Variants in TENM1 observed in about 807,000 individuals in gnomAD.
The protein encoded by TENM1 is teneurin transmembrane protein 1.
In TENM1, 35 loss-of-function variants were observed where a neutral mutation model predicts 174.8. The ratio of observed to expected loss-of-function variants is 0.20; its 90% CI spans 0.15 to 0.27. TENM1 has a LOEUF of 0.27. TENM1 is among the 10% of genes least tolerant of loss of function. The probability of loss-of-function intolerance (pLI) is 1.00; values close to 1 mark genes in which losing one functional copy is unlikely to be tolerated. For synonymous variants in TENM1, 781 were observed against 798.7 expected, an observed-to-expected ratio of 0.98 and a Z score of 0.37; for missense variants, 1,633 against 2,130.1, an observed-to-expected ratio of 0.77 and a Z score of 4.59.
At chrX:125,000,008 TGGATAC>T in the TENM1 span, among the ~76,000 whole-genome samples, 1 of 111,204 alleles carries the variant, frequency 9.0e-6, no homozygotes, top group Non-Finnish European at 1.9e-5. Context: ...TTCTGGTTAT[TGGATAC>T]TTATTTTTTA....
the TENM1 span, among the ~76,000 whole-genome samples, chrX:125,192,659 G>A: frequency 8.9e-6 from 1 of 111,803 alleles, no homozygotes; most frequent in Non-Finnish European, 1.9e-5. Flanking sequence ...TTGGTTGGGT[G>A]TCAGGTGTTA....
intron 5 of TENM1, among the ~76,000 whole-genome samples, chrX:124,673,327 C>A (rs2051971609): frequency 8.9e-6 from 1 of 112,002 alleles, no homozygotes; most frequent in Admixed American, 9.5e-5. Context: ...ACACTGGTGC[C>A]ACACTTATAC....
chrX:124,820,918 C>A lies in TENM1; in HGVS notation c.535+73378G>T, dbSNP rs185254463. ...TCCCCTTTTGTTAAGTACATGTTGTCTTCTATTAGATGAAGGCAAAGGTTA... is the reference window on the plus strand; with the variant it reads ...TCCCCTTTTGTTAAGTACATGTTGTATTCTATTAGATGAAGGCAAAGGTTA... On this transcript the variant is annotated intron_variant, in intron 3 of 31. Coordinates refer to ENST00000422452, the Ensembl canonical transcript of TENM1. Among the ~76,000 whole-genome samples the A allele has an allele frequency of 6.2e-5, 7 of 112,412 alleles. No homozygotes were observed. In the East Asian group the frequency reaches 1.7e-3, roughly 27 times the overall value.
intron 3 of TENM1, among the ~76,000 whole-genome samples, chrX:124,787,439 T>C (rs747085045): frequency 9.3e-6 from 1 of 107,769 alleles, no homozygotes; most frequent in Non-Finnish European, 1.9e-5. Context: ...GCCCCTTTCC[T>C]TTTTCTTTAA....
chrX:124,654,289 A>G (rs1299676692), intron 6 of TENM1, among the ~76,000 whole-genome samples: 1 of 112,470 alleles, frequency 8.9e-6, no homozygotes, highest in Admixed American at 9.5e-5. Context: ...ACCATCTAAC[A>G]TACTACATAT....
intron 3 of TENM1, among the ~76,000 whole-genome samples, chrX:124,779,473 C>A (rs2054857466): frequency 8.9e-6 from 1 of 111,739 alleles, no homozygotes; most frequent in East Asian, 2.8e-4. Flanking sequence ...GTTTTAAGTT[C>A]CCCTAGCACT....
chrX:125,190,729 T>C, the TENM1 span, among the ~76,000 whole-genome samples: 1 of 111,747 alleles, frequency 8.9e-6, no homozygotes, highest in Admixed American at 9.5e-5. Context: ...TTTATTTTTT[T>C]GTTTTTTTAA....
chrX:124,759,420 C>T (rs188110028), intron 3 of TENM1, among the ~76,000 whole-genome samples: 1 of 111,637 alleles, frequency 9.0e-6, no homozygotes, highest in Admixed American at 9.5e-5. Context: ...GCACCCATCA[C>T]TCAAGTAGTA....
chrX:125,144,799 A>ATG, the TENM1 span, among the ~76,000 whole-genome samples: 5 of 107,403 alleles, frequency 4.7e-5, no homozygotes, highest in Admixed American at 4.0e-4. Flanking sequence ...GTGCAGTGGC[A>ATG]CGATCTTGGC....
At chrX:124,755,628 G>T (rs868354736) in intron 3 of TENM1, among the ~76,000 whole-genome samples, 9 of 111,661 alleles carry the variant, frequency 8.1e-5, no homozygotes, top group Middle Eastern at 4.6e-3. Context: ...GGCTGGTACT[G>T]GTTGTTCCTT....
intron 27 of TENM1, among the ~76,000 whole-genome samples, chrX:124,403,991 C>A (rs758117131): frequency 3.6e-5 from 4 of 111,809 alleles, no homozygotes; most frequent in African/African-American, 9.8e-5. Flanking sequence ...CACAGCAACA[C>A]GTGCGTCAGG....
At chrX:124,646,255 G>A (rs1311423001) in intron 9 of TENM1, among the ~76,000 whole-genome samples, 2 of 112,141 alleles carry the variant, frequency 1.8e-5, no homozygotes, top group African/African-American at 6.5e-5. Context: ...CTCATTTGGT[G>A]ATAACCCACC....
chrX:124,798,290 T>G (rs1012949840), intron 3 of TENM1, among the ~76,000 whole-genome samples: 3 of 111,699 alleles, frequency 2.7e-5, no homozygotes, highest in Admixed American at 9.5e-5. Flanking sequence ...ATGGTTGAAC[T>G]AATTAACACT....
chrX:124,592,434 G>GTTTT (rs751493445), intron 11 of TENM1, among the ~76,000 whole-genome samples: 2 of 85,479 alleles, frequency 2.3e-5, no homozygotes, highest in African/African-American at 4.7e-5. Flanking sequence ...AATATTATTG[G>GTTTT]TTTTTTTTTT....
At chrX:124,508,848 G>T in intron 18 of TENM1, among the ~76,000 whole-genome samples, 1 of 111,724 alleles carries the variant, frequency 9.0e-6, no homozygotes, top group African/African-American at 3.3e-5. Context: ...TCTCTGGGCA[G>T]ACCCACCATT....
At chrX:124,976,998 C>T in the TENM1 span, among the ~76,000 whole-genome samples, 1 of 111,851 alleles carries the variant, frequency 8.9e-6, no homozygotes, top group African/African-American at 3.2e-5. Context: ...TGGCATAGTA[C>T]AATGTAATTG....
chrX:125,072,496 T>G, the TENM1 span, among the ~76,000 whole-genome samples: 1 of 111,553 alleles, frequency 9.0e-6, no homozygotes, highest in African/African-American at 3.3e-5. Context: ...ACTTCTCACT[T>G]CATTTTTTAA....
the TENM1 span, among the ~76,000 whole-genome samples, chrX:125,198,295 C>T: frequency 9.0e-6 from 1 of 111,494 alleles, no homozygotes; most frequent in Non-Finnish European, 1.9e-5. Context: ...GGAAAAATAA[C>T]CAATTCTACT....
intron 18 of TENM1, among the ~76,000 whole-genome samples, chrX:124,510,729 G>T (rs2047560940): frequency 9.2e-6 from 1 of 108,956 alleles, no homozygotes; most frequent in Admixed American, 9.8e-5. Flanking sequence ...AAGTCATGAT[G>T]AGAAACACAA....
Sources: allele counts gnomAD v4.1 joint callset (sites outside exome capture counted in the v4.1 genomes callset), GRCh38; gene constraint gnomAD v4.1.1; transcripts MANE v1.5; gene names NCBI Gene and HGNC (gene_info 2026-07-23, HGNC 2026-07-21).